Variants in SLC36A4 observed in about 807,000 individuals in gnomAD.
SLC36A4 encodes the protein solute carrier family 36 member 4.
Under a neutral mutation model 50.5 loss-of-function variants are expected in SLC36A4, and 49 were observed. The ratio of observed to expected loss-of-function variants is 0.97; its 90% confidence interval spans 0.77 to 1.23. The LOEUF (loss-of-function observed/expected upper bound fraction) is 1.23, where lower values mean the gene tolerates loss of function less well. SLC36A4 is among the 50% of genes most tolerant of loss of function. The pLI, the probability that SLC36A4 is intolerant of heterozygous loss-of-function variation, is 0.00. For synonymous variants in SLC36A4, 207 were observed against 206.5 expected (o/e 1.00, Z -0.02); for missense variants, 611 against 608.4 (o/e 1.00, Z -0.05).
chr11:93,193,183 G>T, intron 1 of SLC36A4: 1 of 267,080 alleles, frequency 3.7e-6, no homozygotes, highest in Non-Finnish European at 5.8e-6. Context: ...TATAAACTGT[G>T]CTGTAAGATT....
At chr11:93,191,467 C>T (rs577586116) in intron 1 of SLC36A4, among the ~76,000 whole-genome samples, 5 of 152,288 alleles carry the variant, frequency 3.3e-5, no homozygotes, top group African/African-American at 9.6e-5. Context: ...TCGAGAATCG[C>T]GTCCCTTTCC....
chr11:93,196,396 T>C (rs1230858356), intron 1 of SLC36A4, among the ~76,000 whole-genome samples: 1 of 152,134 alleles, frequency 6.6e-6, no homozygotes, highest in African/African-American at 2.4e-5. Context: ...AGACAGAGTC[T>C]CGCTCTGTTG....
At position 93,145,808 on chromosome 11, in the gene SLC36A4, A is replaced by C. The variant is rs1334347644; in HGVS notation, c.*2729T>G. ...TCTCCAGGCTCCCAAAATAAAAGCA[A>C]GAGCTGGTATAATCGAAATATCGTC... On this transcript the variant is annotated 3_prime_UTR_variant, in exon 11 of 11. Coordinates refer to ENST00000326402, the MANE Select transcript of SLC36A4 (RefSeq NM_152313.4). The C allele has an allele frequency of 1.3e-5, 2 of 152,228 alleles. No individual in the cohort carries two copies. The highest frequency in any genetic ancestry group is 4.8e-5 in the African/African-American group (2 of 41,558). The allele number at this position is 152,228 out of a possible 1,614,324, so 9.4% of individuals were successfully genotyped here.
In SLC36A4 at chr11:93,165,170, G is replaced by C. The variant is rs1345305649; in HGVS notation, c.867+748C>G. Among the ~76,000 whole-genome samples, 4 of 152,116 alleles carry C rather than the reference G, an allele frequency of 2.6e-5. No individual in the cohort carries two copies. The South Asian group carries it at 8.3e-4, about 32-fold the overall frequency. ...TTTTATTTTAGATCTATTTTGTCTG[G>C]GGTTAGTATAAATAGATGTTTACAA... On this transcript the variant is annotated intron_variant, in intron 8 of 10. Coordinates refer to ENST00000326402, the MANE Select transcript of SLC36A4 (RefSeq NM_152313.4).
chr11:93,197,851 AC>A lies in SLC36A4; in HGVS notation c.-20del. ...CTTCCATCTCTCGCGGGTCTCCAGG[AC>A]GCCGCCGCCCGAGTGCTCACTCTCC... On this transcript the variant is annotated 5_prime_UTR_variant, in exon 1 of 11. Transcript: ENST00000326402. 6.5e-7 allele frequency: 1 copy of A among 1,544,480 alleles called. No individual in the cohort carries two copies. Among genetic ancestry groups the A allele is most frequent in the Non-Finnish European group, 8.7e-7 (1 of 1,153,052 alleles).
chr11:93,193,574 T>C (rs1315785312), intron 1 of SLC36A4, among the ~76,000 whole-genome samples: 1 of 152,156 alleles, frequency 6.6e-6, no homozygotes, highest in Non-Finnish European at 1.5e-5. Context: ...TTATACAACA[T>C]TTATTATACA....
At position 93,172,390 on chromosome 11, in the gene SLC36A4, A is replaced by C. The variant is rs186823604; in HGVS notation, c.541-4219T>G. Among the ~76,000 whole-genome samples the C allele has an allele frequency of 7.2e-3, 1,087 of 150,852 alleles. 11 individuals are homozygous for C. The highest frequency in any genetic ancestry group is 0.025 in the African/African-American group (1,030 of 41,124). ...CACTGCACCATATTTGTTGTCTTTT[A>C]TCCCTTGTCCCCTCCCACTCTTCCC... On this transcript the variant is annotated intron_variant, in intron 6 of 10. Transcript: ENST00000326402.
Position 93,181,748 on chromosome 11 carries a change from C to A in SLC36A4, c.398G>T (p.Ser133Ile). ...CCAAGGACTCACTTCCATAGCAAAG[C>A]TCACAGTGTCACTATAACCTAATGT... is the stretch of plus-strand genomic sequence containing the variant. ...KSTLGYSDTV[S>I]FAMEVSPWSC... Residue 133 changes from serine (S) to isoleucine (I), a missense_variant, in exon 5 of 11, where the codon AGC (serine) becomes ATC (isoleucine). Ser to Ile is a moderately radical substitution (Grantham distance 142). Coordinates refer to ENST00000326402, the MANE Select transcript of SLC36A4 (RefSeq NM_152313.4). 1 of 1,550,880 alleles carries A rather than the reference C, an allele frequency of 6.4e-7. No homozygotes were observed. Among genetic ancestry groups the A allele is most frequent in the East Asian group, 2.3e-5 (1 of 43,124 alleles).
At chr11:93,183,962 T>C (rs1349932213) in intron 3 of SLC36A4, among the ~76,000 whole-genome samples, 1 of 152,082 alleles carries the variant, frequency 6.6e-6, no homozygotes, top group Non-Finnish European at 1.5e-5. Flanking sequence ...CCTCCCAGAG[T>C]GCTGGGATTA....
Position 93,163,824 on chromosome 11 carries a change from A to AT in SLC36A4, c.868-950dup, listed in dbSNP as rs986661814. Reference sequence around the variant, plus strand: ...TATGTATATTAGCATGACCCTATGTATTTTTTTTTAAATATTGAATTACAA... The same window carrying AT: ...TATGTATATTAGCATGACCCTATGTATTTTTTTTTTAAATATTGAATTACAA... On this transcript the variant is annotated intron_variant, in intron 8 of 10. Transcript: ENST00000326402. Among the ~76,000 whole-genome samples, 9 of 149,626 alleles carry AT rather than the reference A, an allele frequency of 6.0e-5. No homozygotes were observed. The South Asian group carries it at 6.4e-4, about 11-fold the overall frequency.
chr11:93,157,028 G>A (rs1408046951), intron 9 of SLC36A4, among the ~76,000 whole-genome samples: 1 of 152,122 alleles, frequency 6.6e-6, no homozygotes, highest in African/African-American at 2.4e-5. Flanking sequence ...TGTATATGGT[G>A]TAAGGAAGGG....
chr11:93,154,980 G>T (rs998580150), intron 9 of SLC36A4: 1 of 151,950 alleles, frequency 6.6e-6, no homozygotes, highest in African/African-American at 2.4e-5. Flanking sequence ...CTACATTATG[G>T]ATAACCTCCT....
chr11:93,179,188 G>T (rs1190482876), intron 6 of SLC36A4, among the ~76,000 whole-genome samples: 1 of 149,612 alleles, frequency 6.7e-6, no homozygotes, highest in African/African-American at 2.4e-5. Context: ...TACAGTACTA[G>T]GTCTGAGAAA....
At position 93,174,817 on chromosome 11, in the gene SLC36A4, A is replaced by C. The variant is rs546341411; in HGVS notation, c.540+5980T>G. On this transcript the variant is annotated intron_variant, in intron 6 of 10. Transcript: ENST00000326402. The stretch of plus-strand genomic sequence containing the variant: ...TGAAGCCCACTTGATCATGGTCGAT[A>C]AGCTTTTTGATGTGCTGCTGGATTT... Among the ~76,000 whole-genome samples the C allele has an allele frequency of 1.1e-3, 149 of 134,260 alleles. 7 individuals are homozygous for C. Among genetic ancestry groups the C allele is most frequent in the African/African-American group, 3.9e-3 (142 of 36,526 alleles). The allele number at this position is 134,260 out of a possible 152,430, so 88.1% of individuals were successfully genotyped here.
At chr11:93,169,312 A>G (rs1387668190) in intron 6 of SLC36A4, among the ~76,000 whole-genome samples, 1 of 152,054 alleles carries the variant, frequency 6.6e-6, no homozygotes, top group Non-Finnish European at 1.5e-5. Context: ...ATCTTGCGTA[A>G]TATCAAGCCA....
intron 1 of SLC36A4, among the ~76,000 whole-genome samples, chr11:93,191,026 A>T (rs1862197096): frequency 6.6e-6 from 1 of 152,226 alleles, no homozygotes; most frequent in African/African-American, 2.4e-5. Context: ...TAAAGAGTAA[A>T]TTGAAAGACA....
chr11:93,167,979 C>T lies in SLC36A4; in HGVS notation c.733G>A (p.Val245Ile). The T allele has an allele frequency of 6.2e-7, 1 of 1,611,448 alleles. No homozygotes were observed. The highest frequency in any genetic ancestry group is 8.5e-7 in the Non-Finnish European group (1 of 1,178,622). Residue 245 changes from valine (V) to isoleucine (I), a missense_variant, in exon 7 of 11, where the codon GTC becomes ATC. Val to Ile is a conservative substitution (Grantham distance 29, BLOSUM62 3). Coordinates refer to ENST00000326402, the MANE Select transcript of SLC36A4 (RefSeq NM_152313.4). ...TACTGGTAAATTATCACAAGACTGACAGCCATGGAAACGTTGGCAAGGAAT... is the reference window on the plus strand; with the variant it reads ...TACTGGTAAATTATCACAAGACTGATAGCCATGGAAACGTTGGCAAGGAAT... ...LSFLANVSMA[V>I]SLVIIYQYVV...
intron 6 of SLC36A4, 32 bp from the exon 7 acceptor site, chr11:93,168,203 G>T: frequency 7.2e-7 from 1 of 1,391,812 alleles, no homozygotes; most frequent in South Asian, 1.3e-5. Context: ...ATAAAGAAGG[G>T]GGAAAAACTT....
rs375698024 is a variant in SLC36A4, at chr11:93,181,837, G to A, written c.360-51C>T. Reference sequence around the variant, plus strand: ...AGGAAAAAAGAAAAATTTTAAGGTGGTCCATAAAACCACCTCTTGAAATAA... The same window carrying A: ...AGGAAAAAAGAAAAATTTTAAGGTGATCCATAAAACCACCTCTTGAAATAA... On this transcript the variant is annotated intron_variant, in intron 4 of 10. Coordinates refer to ENST00000326402, the MANE Select transcript of SLC36A4 (RefSeq NM_152313.4). 56 of 1,440,682 alleles carry A rather than the reference G, an allele frequency of 3.9e-5. No individual in the cohort carries two copies. In the African/African-American group the frequency reaches 7.2e-4, roughly 19 times the overall value. The allele number at this position is 1,440,682 out of a possible 1,614,324, so 89.2% of individuals were successfully genotyped here. A position where few individuals can be genotyped will look rare whatever the true frequency, so the allele number is the denominator to read the frequency against.
Sources: gnomAD v4.1 joint callset for allele counts (sites outside exome capture counted in the v4.1 genomes callset) on GRCh38, gnomAD v4.1.1 for gene constraint, MANE v1.5 for transcripts, NCBI Gene and HGNC (gene_info 2026-07-23, HGNC 2026-07-21) for gene names.